SAMD12: variants seen among roughly 807,000 people sequenced by gnomAD.
SAMD12 encodes the protein sterile alpha motif domain containing 12, also known as sterile alpha motif domain-containing protein 12.
Under a neutral mutation model 15.0 loss-of-function variants are expected in SAMD12, and 9 were observed. The ratio of observed to expected loss-of-function variants is 0.60; its 90% confidence interval spans 0.36 to 1.05. The LOEUF (loss-of-function observed/expected upper bound fraction) is 1.05. Ranked by LOEUF, SAMD12 falls within the 50% of genes least tolerant of loss-of-function variation. The pLI, the probability that SAMD12 is intolerant of heterozygous loss-of-function variation, is 0.01. For missense variants in SAMD12, 230 were observed against 234.2 expected (o/e 0.98, Z 0.12); for synonymous variants, 86 against 90.1 (o/e 0.96, Z 0.25).
At chr8:118,159,863 G>T in the SAMD12 span, among the ~76,000 whole-genome samples, 39 of 151,912 alleles carry the variant, frequency 2.6e-4, no homozygotes, top group African/African-American at 7.0e-4. Context: ...GGGATTACAG[G>T]TGCTTGCCAC....
In SAMD12 at chr8:118,523,916, CTT is replaced by C. The variant is rs537388729; in HGVS notation, c.192+56797_192+56798del. 6.5e-4 allele frequency among the ~76,000 whole-genome samples: 99 copies of C among 152,262 alleles called. 1 individual carries two copies. In the South Asian group the frequency reaches 0.011, roughly 16 times the overall value. ...TGAACCCACTTACTCTGCCTTTTCTCTTGTCACTGTGGATGCTCCTTTAAGTC... is the reference window on the plus strand; with the variant it reads ...TGAACCCACTTACTCTGCCTTTTCTCGTCACTGTGGATGCTCCTTTAAGTC... On this transcript the variant is annotated intron_variant, in intron 2 of 3. Coordinates refer to ENST00000314727, the MANE Select transcript of SAMD12 (RefSeq NM_207506.3).
intron 2 of SAMD12, among the ~76,000 whole-genome samples, chr8:118,477,703 T>G (rs919074868): frequency 1.3e-5 from 2 of 152,086 alleles, no homozygotes; most frequent in African/African-American, 2.4e-5. Flanking sequence ...CAATACTGGC[T>G]GTGGGGACCG....
At chr8:118,303,836 A>T (rs542562070) in intron 4 of SAMD12, among the ~76,000 whole-genome samples, 1 of 152,172 alleles carries the variant, frequency 6.6e-6, no homozygotes. Flanking sequence ...TGCTCTACTC[A>T]TCCCATTCCA....
intron 1 of SAMD12, among the ~76,000 whole-genome samples, chr8:118,589,040 A>T (rs1827517392): frequency 6.6e-6 from 1 of 152,226 alleles, no homozygotes; most frequent in Admixed American, 6.5e-5. Context: ...AGCAGCATTA[A>T]AAGCTGAACA....
the SAMD12 span, among the ~76,000 whole-genome samples, chr8:118,143,169 T>G: frequency 1.3e-5 from 2 of 152,156 alleles, no homozygotes; most frequent in Non-Finnish European, 2.9e-5. Context: ...TACCTGTACA[T>G]CTGATTTATG....
chr8:118,416,232 T>C (rs1055881012), intron 3 of SAMD12, among the ~76,000 whole-genome samples: 5 of 152,200 alleles, frequency 3.3e-5, no homozygotes, highest in African/African-American at 1.2e-4. Context: ...AGAGAAAATG[T>C]TATATGAAGT....
At chr8:118,440,105 T>A (rs969454985) in intron 2 of SAMD12, 144 bp from the exon 3 acceptor site, 1 of 750,440 alleles carries the variant, frequency 1.3e-6, no homozygotes, top group South Asian at 1.9e-5. Flanking sequence ...CTAACCTCTG[T>A]AGACCTTCTC....
At chr8:118,134,510 C>G in the SAMD12 span, among the ~76,000 whole-genome samples, 1 of 152,194 alleles carries the variant, frequency 6.6e-6, no homozygotes, top group African/African-American at 2.4e-5. Context: ...CCTAGACCAG[C>G]ACTGTCAGCA....
the SAMD12 span, among the ~76,000 whole-genome samples, chr8:118,163,057 T>C: frequency 6.6e-6 from 1 of 152,160 alleles, no homozygotes; most frequent in Non-Finnish European, 1.5e-5. Context: ...CATAACCTCC[T>C]GCCATTTTTT....
intron 1 of SAMD12, among the ~76,000 whole-genome samples, chr8:118,596,219 T>C (rs897364772): frequency 6.6e-6 from 1 of 152,194 alleles, no homozygotes; most frequent in African/African-American, 2.4e-5. Flanking sequence ...AAAATACATG[T>C]GTCCTTGTTC....
intron 4 of SAMD12, among the ~76,000 whole-genome samples, chr8:118,255,189 G>T (rs1812907489): frequency 2.0e-5 from 3 of 151,904 alleles, no homozygotes; most frequent in Non-Finnish European, 4.4e-5. Flanking sequence ...AAAAGAGCCA[G>T]GTGTGGACCT....
intron 2 of SAMD12, among the ~76,000 whole-genome samples, chr8:118,501,040 T>C (rs576094698): frequency 6.6e-6 from 1 of 152,148 alleles, no homozygotes; most frequent in East Asian, 1.9e-4. Context: ...ATGGGGGGAA[T>C]GCCTCTCTAG....
At chr8:118,441,811 TAA>T (rs1822771843) in intron 2 of SAMD12, among the ~76,000 whole-genome samples, 1 of 152,094 alleles carries the variant, frequency 6.6e-6, no homozygotes, top group South Asian at 2.1e-4. Flanking sequence ...GGTTAGGTCA[TAA>T]AAAAGAAACA....
chr8:118,509,553 T>C (rs909374452), intron 2 of SAMD12, among the ~76,000 whole-genome samples: 2 of 152,212 alleles, frequency 1.3e-5, no homozygotes, highest in Admixed American at 6.5e-5. Context: ...GTTCTACTTC[T>C]GAAGTGTAGA....
At chr8:118,548,783 G>A (rs1322127955) in intron 2 of SAMD12, among the ~76,000 whole-genome samples, 1 of 152,224 alleles carries the variant, frequency 6.6e-6, no homozygotes, top group African/African-American at 2.4e-5. Flanking sequence ...TCAAAGAAAG[G>A]GGTGACAGAC....
At chr8:118,160,693 T>C in the SAMD12 span, among the ~76,000 whole-genome samples, 1 of 152,200 alleles carries the variant, frequency 6.6e-6, no homozygotes, top group Non-Finnish European at 1.5e-5. Context: ...TGAAAATGGA[T>C]CATAGAGCTA....
intron 2 of SAMD12, among the ~76,000 whole-genome samples, chr8:118,480,320 T>C (rs1824089748): frequency 6.6e-6 from 1 of 152,206 alleles, no homozygotes; most frequent in African/African-American, 2.4e-5. Flanking sequence ...TCCCCAACAC[T>C]CTTTAGCACT....
rs1586808829 is a variant in SAMD12 at position 118,549,119 on chromosome 8, A to G, written c.192+31596T>C. Among the ~76,000 whole-genome samples, 3 of 152,374 alleles carry G rather than the reference A, an allele frequency of 2.0e-5. No individual in the cohort carries two copies. In the South Asian group the frequency reaches 6.2e-4, roughly 32 times the overall value. On this transcript the variant is annotated intron_variant, in intron 2 of 3. Transcript: ENST00000314727. ...GGGCAGGGCACAGACAAACAAAAAG[A>G]CAACAGTAACCTCTGCAGACTGAAA...
At chr8:118,605,293 A>G (rs1303026509) in intron 1 of SAMD12, among the ~76,000 whole-genome samples, 1 of 152,258 alleles carries the variant, frequency 6.6e-6, no homozygotes, top group Non-Finnish European at 1.5e-5. Flanking sequence ...GGAAAATGAG[A>G]TTACTTACTG....
Sources: gnomAD v4.1 joint callset for allele counts (sites outside exome capture counted in the v4.1 genomes callset) on GRCh38, gnomAD v4.1.1 for gene constraint, MANE v1.5 for transcripts, NCBI Gene and HGNC (gene_info 2026-07-23, HGNC 2026-07-21) for gene names.